Variants in SLC25A46 observed in about 807,000 individuals in gnomAD.
SLC25A46 encodes the protein mitochondrial outer membrane protein SLC25A46.
In SLC25A46, 39 loss-of-function variants were observed where a neutral mutation model predicts 44.6. The observed-to-expected ratio is 0.87, with a 90% CI of 0.68 to 1.14. SLC25A46 has a LOEUF of 1.14. SLC25A46 is among the 50% of genes most tolerant of loss of function. The pLI is 0.00. For missense variants in SLC25A46, 547 were observed against 522.7 expected (o/e 1.05, Z -0.45); for synonymous variants, 202 against 185.8 (o/e 1.09, Z -0.71).
chr5:110,764,162 A>C lies in SLC25A46; in HGVS notation c.*2380A>C, dbSNP rs1439844004. 1 of 151,852 alleles carries C rather than the reference A, an allele frequency of 6.6e-6. No individual in the cohort carries two copies. Among genetic ancestry groups the C allele is most frequent in the Non-Finnish European group, 1.5e-5 (1 of 67,854 alleles). The allele number at this position is 151,852 out of a possible 1,614,324, so 9.4% of individuals were successfully genotyped here. A position where few individuals can be genotyped will look rare whatever the true frequency, so the allele number is the denominator to read the frequency against. On this transcript the variant is annotated 3_prime_UTR_variant, in exon 8 of 8. Coordinates refer to ENST00000355943, the MANE Select transcript of SLC25A46 (RefSeq NM_138773.4). Reference sequence around the variant, plus strand: ...TCCACAGGCCCACTGGTCCTCTTATATAAGCCAAATTTTGGCCATGGAGCT... The same window carrying C: ...TCCACAGGCCCACTGGTCCTCTTATCTAAGCCAAATTTTGGCCATGGAGCT...
chr5:110,751,662 G>A (rs1272440940), intron 5 of SLC25A46, among the ~76,000 whole-genome samples: 1 of 152,182 alleles, frequency 6.6e-6, no homozygotes, highest in African/African-American at 2.4e-5. Context: ...TGAATAAAAG[G>A]AGACATCTTA....
intron 6 of SLC25A46, chr5:110,755,890 T>C (rs1269309593): frequency 6.4e-6 from 1 of 155,558 alleles, no homozygotes; most frequent in Non-Finnish European, 1.4e-5. Context: ...CAAAAAACCT[T>C]AGTGACATTG....
chr5:110,743,771 T>A lies in SLC25A46; in HGVS notation c.368T>A (p.Leu123Gln), dbSNP rs1468827658. Residue 123 changes from leucine to glutamine, a missense_variant, in exon 3 of 8, where the codon CTA becomes CAA. Coordinates refer to ENST00000355943, the MANE Select transcript of SLC25A46 (RefSeq NM_138773.4). ...GTATTGGCACATCCTTGCATTGTTCTACGCCGCCAATGTCAGGTAAATGTA... is the reference window on the plus strand; with the variant it reads ...GTATTGGCACATCCTTGCATTGTTCAACGCCGCCAATGTCAGGTAAATGTA... ...ENVLAHPCIV[L>Q]RRQCQVNYHA... The A allele has an allele frequency of 6.2e-7, 1 of 1,606,468 alleles. No homozygotes were observed. Among genetic ancestry groups the A allele is most frequent in the Non-Finnish European group, 8.5e-7 (1 of 1,175,378 alleles).
intron 3 of SLC25A46, among the ~76,000 whole-genome samples, chr5:110,745,378 C>A (rs968374659): frequency 3.3e-5 from 5 of 152,062 alleles, no homozygotes. Flanking sequence ...CTCAGCCTCC[C>A]GAGTAGCTGG....
At chr5:110,757,947 A>G (rs1800156742) in intron 7 of SLC25A46, among the ~76,000 whole-genome samples, 2 of 152,290 alleles carry the variant, frequency 1.3e-5, no homozygotes, top group South Asian at 2.1e-4. Flanking sequence ...TTATCCATAA[A>G]TTGTGAATAG....
rs1359500219 is a variant in SLC25A46 at position 110,761,411 on chromosome 5, A to G, written c.886A>G (p.Asn296Asp). Residue 296 changes from asparagine to aspartate, a missense_variant, in exon 8 of 8, where the codon AAT becomes GAT. Physicochemically the swap from Asn to Asp is conservative, Grantham distance 23 (BLOSUM62 1). Coordinates refer to ENST00000355943, the MANE Select transcript of SLC25A46 (RefSeq NM_138773.4). This position sits in a 1 kb window ranked among gnomAD's most constrained non-coding sequence, Gnocchi z 5.3. ...VLLILKRKTY[N>D]SHLAESTSPV... ...ACTAATTCTAAAGAGAAAGACTTAC[A>G]ATAGCCACCTAGCTGAGAGCACTAG... The G allele has an allele frequency of 6.2e-7, 1 of 1,613,734 alleles. No homozygotes were observed. Among genetic ancestry groups the G allele is most frequent in the Admixed American group, 1.7e-5 (1 of 59,966 alleles).
At chr5:110,746,754 G>A (rs536185071) in intron 4 of SLC25A46, among the ~76,000 whole-genome samples, 33 of 152,294 alleles carry the variant, frequency 2.2e-4, no homozygotes, top group African/African-American at 7.0e-4. Flanking sequence ...AGAAAGGCCC[G>A]AATTGTGTGC....
chr5:110,755,271 T>C, intron 5 of SLC25A46, 194 bp from the exon 6 acceptor site: 1 of 419,850 alleles, frequency 2.4e-6, no homozygotes, highest in South Asian at 4.3e-5. Flanking sequence ...TGAAAACACC[T>C]TGTATTTTTT....
intron 7 of SLC25A46, among the ~76,000 whole-genome samples, chr5:110,757,511 C>T (rs574290732): frequency 1.8e-3 from 272 of 152,196 alleles, no homozygotes; most frequent in African/African-American, 5.9e-3. Flanking sequence ...TAAAAACTCG[C>T]ACTGGATCAG....
intron 7 of SLC25A46, 38 bp downstream of exon 7, chr5:110,756,797 G>T: frequency 6.9e-7 from 1 of 1,451,542 alleles, no homozygotes; most frequent in Non-Finnish European, 9.2e-7. Context: ...TTTTATTTAA[G>T]AATAGTTTTT....
intron 5 of SLC25A46, among the ~76,000 whole-genome samples, chr5:110,752,634 CA>C (rs1799994241): frequency 6.6e-6 from 1 of 152,154 alleles, no homozygotes; most frequent in Admixed American, 6.6e-5. Flanking sequence ...AAATCTTCCT[CA>C]AATTCAATAG....
At chr5:110,756,582 C>A (rs563897836) in intron 6 of SLC25A46, 120 bp from the exon 7 acceptor site, 2 of 617,048 alleles carry the variant, frequency 3.2e-6, no homozygotes, top group Admixed American at 7.3e-5. Context: ...TAGTTGAAAA[C>A]CTTAAAAAGA....
At chr5:110,757,952 G>C (rs1800156844) in intron 7 of SLC25A46, among the ~76,000 whole-genome samples, 1 of 152,102 alleles carries the variant, frequency 6.6e-6, no homozygotes, top group South Asian at 2.1e-4. Flanking sequence ...CATAAATTGT[G>C]AATAGTATTT....
rs113910071 is a variant in SLC25A46 at position 110,742,110 on chromosome 5, G to A, written c.326+21G>A. On this transcript the variant is annotated intron_variant, in intron 2 of 7. Coordinates refer to ENST00000355943, the MANE Select transcript of SLC25A46 (RefSeq NM_138773.4). ...GCAAGGTAATGTTTTATCTAAAGAC[G>A]TTTACAGCTTTTATTTATTGAATTT... 1,581 of 1,496,402 alleles carry A rather than the reference G, an allele frequency of 1.1e-3. 18 individuals carry two copies. In the African/African-American group the frequency reaches 0.019, roughly 18 times the overall value. The allele number at this position is 1,496,402 out of a possible 1,614,324, so 92.7% of individuals were successfully genotyped here.
chr5:110,761,581 T>C lies in SLC25A46; in HGVS notation c.1056T>C (p.Asn352=). 6.2e-7 allele frequency: 1 copy of C among 1,613,780 alleles called. No homozygotes were observed. The highest frequency in any genetic ancestry group is 8.5e-7 in the Non-Finnish European group (1 of 1,179,784). The change falls in exon 8 of 8, where the codon AAT becomes AAC. Residue 352 remains asparagine (N), a synonymous_variant. Coordinates refer to ENST00000355943, the MANE Select transcript of SLC25A46 (RefSeq NM_138773.4). This position sits in a 1 kb window ranked among gnomAD's most constrained non-coding sequence, Gnocchi z 5.3. ...AAGGAACACGCACAATAATTGACAA[T>C]ACAGACCTTGGCTATGAAGTGCTTC... ...HIQGTRTIID[N]TDLGYEVLPI...
Position 110,764,345 on chromosome 5 carries a change from A to G in SLC25A46, c.*2563A>G, listed in dbSNP as rs1458678647. On this transcript the variant is annotated 3_prime_UTR_variant, in exon 8 of 8. Coordinates refer to ENST00000355943, the MANE Select transcript of SLC25A46 (RefSeq NM_138773.4). The stretch of plus-strand genomic sequence containing the variant: ...AGACCTTCCCGAAATGCCATTCTCA[A>G]TTTTATTTTATGGGCTCCAAAAAAA... 2 of 151,862 alleles carry G rather than the reference A, an allele frequency of 1.3e-5. No individual in the cohort carries two copies. Among genetic ancestry groups the G allele is most frequent in the African/African-American group, 4.8e-5 (2 of 41,412 alleles). 9.4% of individuals were successfully genotyped at this position (151,862 alleles called of 1,614,324 possible). A position where few individuals can be genotyped will look rare whatever the true frequency, so the allele number is the denominator to read the frequency against.
At chr5:110,738,782 A>AT, upstream of SLC25A46, 2 of 389,914 alleles carry the variant, frequency 5.1e-6, no homozygotes, top group South Asian at 6.7e-5. Context: ...AACTCCTCCC[A>AT]TGCAGGCCCT....
At chr5:110,751,197 A>AC (rs1405612119) in intron 5 of SLC25A46, among the ~76,000 whole-genome samples, 6 of 152,318 alleles carry the variant, frequency 3.9e-5, no homozygotes, top group African/African-American at 1.4e-4. Flanking sequence ...CAGTGAGGAA[A>AC]ATAAACAAAA....
chr5:110,740,736 G>A (rs574927628), intron 1 of SLC25A46, among the ~76,000 whole-genome samples: 2 of 152,274 alleles, frequency 1.3e-5, no homozygotes, highest in Non-Finnish European at 1.5e-5. Context: ...CGGATCACGA[G>A]GTCAGGAGAT....
Sources: allele counts gnomAD v4.1 joint callset (sites outside exome capture counted in the v4.1 genomes callset), GRCh38; gene constraint gnomAD v4.1.1; non-coding constraint Gnocchi (gnomAD v3.1); transcripts MANE v1.5; gene names NCBI Gene and HGNC (gene_info 2026-07-23, HGNC 2026-07-21).